The following LRRC4C variants were observed in gnomAD, a reference collection of about 807,000 sequenced individuals.
LRRC4C encodes the protein leucine-rich repeat-containing protein 4C.
In LRRC4C, 5 loss-of-function variants were observed where a neutral mutation model predicts 33.6. The observed-to-expected ratio is 0.15, with a 90% CI of 0.08 to 0.31. The LOEUF is 0.31. Among genes scored for constraint, LRRC4C ranks in the 10% least tolerant of loss-of-function variants. The pLI, the probability that LRRC4C is intolerant of heterozygous loss-of-function variation, is 1.00. For missense variants in LRRC4C, 560 were observed against 796.7 expected (o/e 0.70, Z 3.58); for synonymous variants, 329 against 302.0 (o/e 1.09, Z -0.93).
At chr11:41,275,756 T>C (rs536554428) in intron 1 of LRRC4C, among the ~76,000 whole-genome samples, 4 of 152,298 alleles carry the variant, frequency 2.6e-5, no homozygotes, top group African/African-American at 9.6e-5. Context: ...TCATTATACA[T>C]TATTGAAATC....
chr11:40,512,041 A>G (rs529070336), intron 3 of LRRC4C, among the ~76,000 whole-genome samples: 3 of 152,296 alleles, frequency 2.0e-5, no homozygotes, highest in African/African-American at 7.2e-5. Context: ...AGGTCCAGAA[A>G]AAAAGAAAAA....
intron 1 of LRRC4C, among the ~76,000 whole-genome samples, chr11:40,938,607 A>T (rs1958010757): frequency 6.6e-6 from 1 of 152,178 alleles, no homozygotes; most frequent in African/African-American, 2.4e-5. Flanking sequence ...AAATAGATAA[A>T]CATGACATTT....
chr11:40,432,898 C>A (rs1221983370), intron 3 of LRRC4C, among the ~76,000 whole-genome samples: 2 of 152,050 alleles, frequency 1.3e-5, no homozygotes, highest in African/African-American at 4.8e-5. Context: ...AATAAATAGA[C>A]CCAATGTTAG....
At chr11:40,998,543 G>A (rs573596953) in intron 1 of LRRC4C, among the ~76,000 whole-genome samples, 4 of 152,152 alleles carry the variant, frequency 2.6e-5, no homozygotes, top group South Asian at 2.1e-4. Context: ...CCTCTTTGGA[G>A]ACAGGAAAAT....
chr11:40,428,732 A>G (rs1950806617), intron 3 of LRRC4C, among the ~76,000 whole-genome samples: 1 of 152,228 alleles, frequency 6.6e-6, no homozygotes, highest in South Asian at 2.1e-4. Flanking sequence ...AGTCATTTAT[A>G]ATTAGTATAA....
At chr11:40,139,893 T>A (rs1297336613) in intron 6 of LRRC4C, among the ~76,000 whole-genome samples, 1 of 152,238 alleles carries the variant, frequency 6.6e-6, no homozygotes, top group East Asian at 1.9e-4. Flanking sequence ...AAGCCATCAC[T>A]GTTCTGTCTC....
chr11:40,428,349 C>T (rs11821413), intron 3 of LRRC4C, among the ~76,000 whole-genome samples: 5,558 of 152,220 alleles, frequency 0.037, 342 homozygotes, highest in African/African-American at 0.13. Context: ...AGACTTGTTA[C>T]ATGGCTTTGG....
In LRRC4C at chr11:40,738,190, C is replaced by A. The variant is rs890252357; in HGVS notation, c.-406-89912G>T. Among the ~76,000 whole-genome samples, 3 of 152,094 alleles carry A rather than the reference C, an allele frequency of 2.0e-5. No homozygotes were observed. In the East Asian group the frequency reaches 5.8e-4, roughly 29 times the overall value. ...CATATACAGAAAACTGAAACTGGACCCCTTCCCTACACCTTTTGCAAAAAT... is the reference window on the plus strand; with the variant it reads ...CATATACAGAAAACTGAAACTGGACACCTTCCCTACACCTTTTGCAAAAAT... On this transcript the variant is annotated intron_variant, in intron 2 of 6. Coordinates refer to ENST00000528697, the MANE Select transcript of LRRC4C (RefSeq NM_001258419.2).
chr11:40,682,524 C>A (rs1358724907), intron 2 of LRRC4C, among the ~76,000 whole-genome samples: 1 of 151,976 alleles, frequency 6.6e-6, no homozygotes, highest in African/African-American at 2.4e-5. Flanking sequence ...ACCTATAATC[C>A]CAGCACTTTG....
At chr11:41,454,328 A>G (rs1590334003) in intron 1 of LRRC4C, among the ~76,000 whole-genome samples, 1 of 152,140 alleles carries the variant, frequency 6.6e-6, no homozygotes, top group East Asian at 1.9e-4. Flanking sequence ...AGGAATCTTA[A>G]TTCTTGTTAA....
chr11:41,170,336 G>C (rs184734392), intron 1 of LRRC4C, among the ~76,000 whole-genome samples: 2 of 152,042 alleles, frequency 1.3e-5, no homozygotes, highest in Non-Finnish European at 2.9e-5. Flanking sequence ...GAGGCATCAC[G>C]CTACCTGACT....
At chr11:40,118,640 C>G (rs1255934630) in intron 6 of LRRC4C, among the ~76,000 whole-genome samples, 1 of 151,928 alleles carries the variant, frequency 6.6e-6, no homozygotes, top group East Asian at 1.9e-4. Context: ...TCAGCTGAAC[C>G]AAGGCAAGCA....
At chr11:40,839,330 A>G (rs936450837) in intron 2 of LRRC4C, among the ~76,000 whole-genome samples, 3 of 151,900 alleles carry the variant, frequency 2.0e-5, no homozygotes, top group Admixed American at 6.6e-5. Context: ...CGCCTCAGCA[A>G]TTCTCAGCAA....
intron 6 of LRRC4C, among the ~76,000 whole-genome samples, chr11:40,130,161 T>G (rs80211071): frequency 1.2e-3 from 186 of 152,290 alleles, no homozygotes; most frequent in African/African-American, 4.3e-3. Flanking sequence ...GTGAAATGTA[T>G]AACCAGAGAA....
intron 1 of LRRC4C, among the ~76,000 whole-genome samples, chr11:41,321,601 C>T (rs764182537): frequency 6.6e-6 from 1 of 152,098 alleles, no homozygotes; most frequent in Non-Finnish European, 1.5e-5. Flanking sequence ...AGCCACTGTT[C>T]GCAGTGTTTT....
chr11:40,656,709 G>T (rs1270621395), intron 2 of LRRC4C, among the ~76,000 whole-genome samples: 3 of 152,116 alleles, frequency 2.0e-5, no homozygotes, highest in African/African-American at 7.2e-5. Context: ...TTATGCAGAT[G>T]TCCAAGTATA....
intron 2 of LRRC4C, among the ~76,000 whole-genome samples, chr11:40,915,286 C>T (rs1264544048): frequency 5.3e-5 from 8 of 152,162 alleles, no homozygotes; most frequent in Admixed American, 4.6e-4. Context: ...CTCTACCTGA[C>T]TTCAAACTAT....
At chr11:40,276,173 GT>G (rs920151306) in intron 4 of LRRC4C, among the ~76,000 whole-genome samples, 4 of 152,066 alleles carry the variant, frequency 2.6e-5, no homozygotes, top group African/African-American at 9.7e-5. Flanking sequence ...GATAAATAAC[GT>G]GATAAAGATG....
chr11:40,969,934 C>G (rs548286384), intron 1 of LRRC4C, among the ~76,000 whole-genome samples: 3 of 152,112 alleles, frequency 2.0e-5, no homozygotes, highest in African/African-American at 7.2e-5. Context: ...TGGGTCATTG[C>G]TTTGATCAAT....
Sources: gnomAD v4.1 joint callset for allele counts (sites outside exome capture counted in the v4.1 genomes callset) on GRCh38, gnomAD v4.1.1 for gene constraint, MANE v1.5 for transcripts, NCBI Gene and HGNC (gene_info 2026-07-23, HGNC 2026-07-21) for gene names.